The following HEATR1 variants were observed in gnomAD, a reference collection of about 807,000 sequenced individuals.
The protein encoded by HEATR1 is HEAT repeat-containing protein 1.
HEATR1 carries 77 observed loss-of-function variants against 248.2 expected under a neutral mutation model. That is an observed-to-expected ratio of 0.31 (90% CI 0.26 to 0.37). The LOEUF is 0.37. Ranked by LOEUF, HEATR1 falls within the 10% of genes least tolerant of loss-of-function variation. The probability of loss-of-function intolerance (pLI) is 1.00; values close to 1 mark genes in which losing one functional copy is unlikely to be tolerated. For synonymous variants in HEATR1, 897 were observed against 923.1 expected, an observed-to-expected ratio of 0.97 and a Z score of 0.51; for missense variants, 2,420 against 2,504.9, an observed-to-expected ratio of 0.97 and a Z score of 0.72.
chr1:236,560,890 G>A (rs1663113489), intron 33 of HEATR1, among the ~76,000 whole-genome samples: 1 of 152,190 alleles, frequency 6.6e-6, no homozygotes, highest in Non-Finnish European at 1.5e-5. Flanking sequence ...GCGGTGTAAA[G>A]GAGAGTGTTG....
intron 20 of HEATR1, among the ~76,000 whole-genome samples, chr1:236,579,585 T>C (rs924064730): frequency 6.6e-6 from 1 of 152,226 alleles, no homozygotes; most frequent in East Asian, 1.9e-4. Flanking sequence ...TTTCCATTTA[T>C]TAATATGGAA....
rs776639028 is a variant in HEATR1, at chr1:236,581,359, T to C, written c.2618A>G (p.Tyr873Cys). 3.1e-6 allele frequency: 5 copies of C among 1,601,246 alleles called. No homozygotes were observed. Among genetic ancestry groups the C allele is most frequent in the Non-Finnish European group, 4.3e-6 (5 of 1,176,218 alleles). Residue 873 changes from tyrosine (Y) to cysteine (C), a missense_variant, in exon 20 of 45, where the codon TAT becomes TGT. By Grantham distance (194) the Tyr-to-Cys change is radical. Coordinates refer to ENST00000366582, the MANE Select transcript of HEATR1 (RefSeq NM_018072.6). ...LFKFCSVLWT[Y>C]GSSLSNPLNC... ...TAGTGGATTTGAAAGGCTAGAACCA[T>C]AGGTCCATAAAACAGAACAGAACTT... is the stretch of plus-strand genomic sequence containing the variant.
Position 236,556,151 on chromosome 1 carries a change from G to C in HEATR1, c.5463C>G (p.Val1821=), listed in dbSNP as rs145679327. The change falls in exon 38 of 45, where the codon GTC becomes GTG. Residue 1821 remains valine (V), a synonymous_variant. Coordinates refer to ENST00000366582, the MANE Select transcript of HEATR1 (RefSeq NM_018072.6). ...KTLATTLAPR[V]LLPAIKKTYK... ...AAGTTTTTTTGATGGCGGGCAACAG[G>C]ACTCGGGGTGCAAGTGTGGTAGCCA... The C allele has an allele frequency of 6.2e-7, 1 of 1,613,938 alleles. No individual in the cohort carries two copies. Among genetic ancestry groups the C allele is most frequent in the African/African-American group, 1.3e-5 (1 of 74,856 alleles).
chr1:236,576,164 C>G (rs1288573247), intron 22 of HEATR1, 55 bp downstream of exon 22: 1 of 1,383,100 alleles, frequency 7.2e-7, no homozygotes, highest in African/African-American at 1.5e-5. Context: ...CAAGCAGTTA[C>G]AACAATTCTT....
At chr1:236,586,145 G>T in intron 15 of HEATR1, 96 bp downstream of exon 15, 1 of 1,135,646 alleles carries the variant, frequency 8.8e-7, no homozygotes, top group South Asian at 1.6e-5. Flanking sequence ...AGACCTTACT[G>T]GCATATAAGC....
At position 236,590,937 on chromosome 1, in the gene HEATR1, A is replaced by G. The variant is rs1280402222; in HGVS notation, c.1440T>C (p.Asp480=). Residue 480 remains aspartate, a synonymous_variant, in exon 12 of 45, where the codon GAT becomes GAC. Coordinates refer to ENST00000366582, the MANE Select transcript of HEATR1 (RefSeq NM_018072.6). ...GATTCAGGCTGAGCATCAAAGAAGT[A>G]TCAGAATCTGCTAAAAACTACAGGG... ...GGKYQFLADS[D]TSLMLSLNHP... 1 of 1,486,366 alleles carries G rather than the reference A, an allele frequency of 6.7e-7. No homozygotes were observed. The allele number at this position is 1,486,366 out of a possible 1,614,324, so 92.1% of individuals were successfully genotyped here. A position where few individuals can be genotyped will look rare whatever the true frequency, so the allele number is the denominator to read the frequency against.
chr1:236,597,748 C>T (rs2102798017), intron 5 of HEATR1, 130 bp downstream of exon 5: 1 of 549,156 alleles, frequency 1.8e-6, no homozygotes, highest in African/African-American at 2.0e-5. Context: ...TGCTTCAAAA[C>T]ACCAGACCAT....
At chr1:236,586,090 GCTTC>G in intron 15 of HEATR1, 147 bp downstream of exon 15, 1 of 1,261,964 alleles carries the variant, frequency 7.9e-7, no homozygotes, top group Non-Finnish European at 1.1e-6. Flanking sequence ...CTATGAATTG[GCTTC>G]CTTTTCACTG....
intron 3 of HEATR1, among the ~76,000 whole-genome samples, chr1:236,601,586 G>A (rs971720418): frequency 6.6e-5 from 10 of 151,814 alleles, no homozygotes; most frequent in African/African-American, 2.4e-4. Context: ...CAGGAGGATC[G>A]CTTGAGGCCA....
chr1:236,587,324 AAAAG>A, intron 14 of HEATR1, 74 bp downstream of exon 14: 2 of 658,056 alleles, frequency 3.0e-6, no homozygotes, highest in Admixed American at 3.7e-5. Flanking sequence ...CTTAAAAAAA[AAAAG>A]AAGAAGAAAT....
Position 236,585,861 on chromosome 1 carries a change from C to T in HEATR1, c.2008G>A (p.Asp670Asn). The T allele has an allele frequency of 6.2e-7, 1 of 1,612,658 alleles. No individual in the cohort carries two copies. Among genetic ancestry groups the T allele is most frequent in the Non-Finnish European group, 8.5e-7 (1 of 1,178,920 alleles). Reference protein sequence around the residue: ...ANQKMIELLADNINLGDPSSM... With the variant: ...ANQKMIELLANNINLGDPSSM... ...GAAGGATCTCCTAAATTTATATTAT[C>T]AGCCAACAACTCAATCATCTTCTGA... is the stretch of plus-strand genomic sequence containing the variant. The change falls in exon 16 of 45, where the codon GAT becomes AAT. Residue 670 changes from aspartate to asparagine, a missense_variant. Physicochemically the swap from Asp to Asn is conservative, Grantham distance 23. Coordinates refer to ENST00000366582, the MANE Select transcript of HEATR1 (RefSeq NM_018072.6).
At chr1:236,599,880 C>A (rs1271441866) in intron 3 of HEATR1, among the ~76,000 whole-genome samples, 1 of 152,048 alleles carries the variant, frequency 6.6e-6, no homozygotes, top group Non-Finnish European at 1.5e-5. Flanking sequence ...CATTAACTTT[C>A]TCTCAGCTTT....
Position 236,585,888 on chromosome 1 carries a change from T to G in HEATR1, c.1981A>C (p.Asn661His), listed in dbSNP as rs1228473777. 6.2e-7 allele frequency: 1 copy of G among 1,613,074 alleles called. No individual in the cohort carries two copies. The highest frequency in any genetic ancestry group is 2.2e-5 in the East Asian group (1 of 44,798). ...GCCAACAACTCAATCATCTTCTGAT[T>G]TGCTACACCGATTAGTTTTCCTGGC... ...TKPGKLIGVA[N>H]QKMIELLADN... Residue 661 changes from asparagine to histidine, a missense_variant, in exon 16 of 45, where the codon AAT becomes CAT. Physicochemically the swap from Asn to His is moderately conservative, Grantham distance 68. Coordinates refer to ENST00000366582, the MANE Select transcript of HEATR1 (RefSeq NM_018072.6).
At chr1:236,591,259 G>A (rs1271819065) in intron 11 of HEATR1, among the ~76,000 whole-genome samples, 1 of 152,004 alleles carries the variant, frequency 6.6e-6, no homozygotes, top group Non-Finnish European at 1.5e-5. Context: ...AATCACCTAA[G>A]ATAAATCCCT....
intron 19 of HEATR1, among the ~76,000 whole-genome samples, chr1:236,582,080 C>T (rs576367423): frequency 8.9e-4 from 135 of 152,154 alleles, no homozygotes; most frequent in African/African-American, 3.2e-3. Flanking sequence ...TGTCATAACC[C>T]AAATAACCCA....
rs1663504973 is a variant in HEATR1, at chr1:236,574,193, G to A, written c.3459+9C>T. On this transcript the variant is annotated intron_variant, in intron 24 of 44. Coordinates refer to ENST00000366582, the MANE Select transcript of HEATR1 (RefSeq NM_018072.6). Reference sequence around the variant, plus strand: ...TAATAAAAAAAATTACAAGAAGTTTGCAGCTTACCCCTTTAAAAACACTGC... The same window carrying A: ...TAATAAAAAAAATTACAAGAAGTTTACAGCTTACCCCTTTAAAAACACTGC... 6.3e-7 allele frequency: 1 copy of A among 1,584,172 alleles called. No homozygotes were observed.
intron 28 of HEATR1, 48 bp downstream of exon 28, chr1:236,571,303 G>C: frequency 6.4e-7 from 1 of 1,550,424 alleles, no homozygotes; most frequent in Non-Finnish European, 8.7e-7. Flanking sequence ...TTCTGTGGAA[G>C]AAAAATATCT....
chr1:236,586,782 TATAAC>T (rs143331835), intron 14 of HEATR1, among the ~76,000 whole-genome samples: 8,367 of 151,928 alleles, frequency 0.055, 293 homozygotes, highest in East Asian at 0.14. Flanking sequence ...AGAGGTTAAC[TATAAC>T]ATAAGACATA....
chr1:236,593,391 A>G (rs1664092257), intron 9 of HEATR1, among the ~76,000 whole-genome samples: 1 of 151,588 alleles, frequency 6.6e-6, no homozygotes, highest in Non-Finnish European at 1.5e-5. Context: ...TCACAAACCA[A>G]CCCTCTGAGC....
Sources: gnomAD v4.1 joint callset for allele counts (sites outside exome capture counted in the v4.1 genomes callset) on GRCh38, gnomAD v4.1.1 for gene constraint, MANE v1.5 for transcripts, NCBI Gene and HGNC (gene_info 2026-07-23, HGNC 2026-07-21) for gene names.